The following ITPR3 variants were observed in gnomAD, a reference collection of about 807,000 sequenced individuals.
The protein encoded by ITPR3 is inositol 1,4,5-trisphosphate-gated calcium channel ITPR3.
ITPR3 carries 173 observed loss-of-function variants against 293.2 expected under a neutral mutation model. The ratio of observed to expected loss-of-function variants is 0.59; its 90% CI spans 0.52 to 0.67. The LOEUF is 0.67. ITPR3 is among the 30% of genes least tolerant of loss of function. ITPR3 has a pLI of 0.00. For missense variants in ITPR3, 2,796 were observed against 3,592.1 expected, an observed-to-expected ratio of 0.78 and a Z score of 5.66; for synonymous variants, 1,295 against 1,444.4, an observed-to-expected ratio of 0.90 and a Z score of 2.35.
rs759704419 is a variant in ITPR3 at position 33,684,026 on chromosome 6, A to C, written c.4795A>C (p.Ile1599Leu). The C allele has an allele frequency of 6.2e-7, 1 of 1,605,292 alleles. No individual in the cohort carries two copies. Among genetic ancestry groups the C allele is most frequent in the Non-Finnish European group, 8.5e-7 (1 of 1,176,172 alleles). Residue 1599 changes from isoleucine (I) to leucine (L), a missense_variant, in exon 36 of 58, where the codon ATC becomes CTC. By Grantham distance (5) the Ile-to-Leu change is conservative. Transcript: ENST00000605930. The surrounding 1 kb of genome is among the most constrained non-coding windows in gnomAD (Gnocchi z 4.2). ...KNIIEKLQDI[I>L]TALEERLKPL... ...TCTGCCCTGCCCACCCCAGGACATC[A>C]TCACAGCCCTGGAGGAGCGGCTGAA...
At position 33,658,936 on chromosome 6, in the gene ITPR3, A is replaced by C; in HGVS notation, c.529-85A>C. 6.3e-7 allele frequency: 1 copy of C among 1,599,526 alleles called. No homozygotes were observed. Among genetic ancestry groups the C allele is most frequent in the South Asian group, 1.1e-5 (1 of 90,222 alleles). ...GGGCATGCCCATTTCTTAGAAGGGC[A>C]GACTGAGACCAAAGGGAGGCCTGGA... On this transcript the variant is annotated intron_variant, in intron 5 of 57. Coordinates refer to ENST00000605930, the MANE Select transcript of ITPR3 (RefSeq NM_002224.4). The surrounding 1 kb of genome is among the most constrained non-coding windows in gnomAD (Gnocchi z 6.1).
At position 33,685,683 on chromosome 6, in the gene ITPR3, C is replaced by A; in HGVS notation, c.5523C>A (p.Arg1841=). 1 of 1,599,226 alleles carries A rather than the reference C, an allele frequency of 6.3e-7. No individual in the cohort carries two copies. Among genetic ancestry groups the A allele is most frequent in the Non-Finnish European group, 8.5e-7 (1 of 1,170,872 alleles). Residue 1841 remains arginine, a synonymous_variant, in exon 41 of 58, where the codon CGC becomes CGA. Coordinates refer to ENST00000605930, the MANE Select transcript of ITPR3 (RefSeq NM_002224.4). The stretch of plus-strand genomic sequence containing the variant: ...TCTCGATACCTGGCTCCTCATCCCG[C>A]TACTCGCTGGGCCCCAGCCTGCGCC... ...ASFSIPGSSS[R]YSLGPSLRRG...
rs1274702238 is a variant in ITPR3, at chr6:33,633,883, C to T, written c.90-6601C>T. Reference sequence around the variant, plus strand: ...CGGGGCGGGGCCAGGGAGGCCAGACCTACGCTCTCCGGAGCCGCGCGGACC... The same window carrying T: ...CGGGGCGGGGCCAGGGAGGCCAGACTTACGCTCTCCGGAGCCGCGCGGACC... On this transcript the variant is annotated intron_variant, in intron 1 of 57. Transcript: ENST00000605930. This position sits in a 1 kb window ranked among gnomAD's most constrained non-coding sequence, Gnocchi z 5.2. Among the ~76,000 whole-genome samples, 3 of 150,180 alleles carry T rather than the reference C, an allele frequency of 2.0e-5. No homozygotes were observed. The highest frequency in any genetic ancestry group is 2.0e-4 in the Admixed American group (3 of 15,086).
chr6:33,692,942 C>T lies in ITPR3; in HGVS notation c.7624+49C>T. The T allele has an allele frequency of 6.3e-7, 1 of 1,591,234 alleles. No individual in the cohort carries two copies. Among genetic ancestry groups the T allele is most frequent in the African/African-American group, 1.3e-5 (1 of 74,578 alleles). On this transcript the variant is annotated intron_variant, in intron 55 of 57. Transcript: ENST00000605930. The surrounding 1 kb of genome is among the most constrained non-coding windows in gnomAD (Gnocchi z 4.2). Reference sequence around the variant, plus strand: ...GGAGGCCGCAGCGGGGCTGGAACGTCATCTGATGCCAGTGGCAGTAGCGGT... The same window carrying T: ...GGAGGCCGCAGCGGGGCTGGAACGTTATCTGATGCCAGTGGCAGTAGCGGT...
In ITPR3 at chr6:33,679,990, C is replaced by T; in HGVS notation, c.4081C>T (p.Pro1361Ser). The T allele has an allele frequency of 6.2e-7, 1 of 1,613,920 alleles. No homozygotes were observed. The highest frequency in any genetic ancestry group is 1.1e-5 in the South Asian group (1 of 91,088). The change falls in exon 31 of 58, where the codon CCC (proline) becomes TCC (serine). Residue 1361 changes from proline to serine, a missense_variant. Pro to Ser is a moderately conservative substitution (Grantham distance 74). This residue lies in a region of ITPR3 where 344 missense variants were observed against 460.3 expected (regional missense o/e 0.75). Transcript: ENST00000605930. This position sits in a 1 kb window ranked among gnomAD's most constrained non-coding sequence, Gnocchi z 4.2. ...AARDGVEDHS[P>S]LMYHISLVDL... is the part of the protein sequence containing the mutation. ...CCGCGACGGCGTGGAGGACCACAGCCCCCTCATGTACCACATTTCCCTGGT... is the reference window on the plus strand; with the variant it reads ...CCGCGACGGCGTGGAGGACCACAGCTCCCTCATGTACCACATTTCCCTGGT...
rs1763742296 is a variant in ITPR3, at chr6:33,633,763, G to T, written c.90-6721G>T. Reference sequence around the variant, plus strand: ...GCTTCGCCGCGGGGGCGGGGGCGGGGCCGGGGCCGGGGCCGGACGCCCGGA... The same window carrying T: ...GCTTCGCCGCGGGGGCGGGGGCGGGTCCGGGGCCGGGGCCGGACGCCCGGA... On this transcript the variant is annotated intron_variant, in intron 1 of 57. Coordinates refer to ENST00000605930, the MANE Select transcript of ITPR3 (RefSeq NM_002224.4). This position sits in a 1 kb window ranked among gnomAD's most constrained non-coding sequence, Gnocchi z 5.2. Among the ~76,000 whole-genome samples the T allele has an allele frequency of 6.9e-6, 1 of 144,842 alleles. No homozygotes were observed. Among genetic ancestry groups the T allele is most frequent in the Non-Finnish European group, 1.5e-5 (1 of 65,166 alleles).
At chr6:33,668,205 C>T (rs1030418428) in intron 16 of ITPR3, among the ~76,000 whole-genome samples, 1 of 152,230 alleles carries the variant, frequency 6.6e-6, no homozygotes, top group African/African-American at 2.4e-5. Context: ...GCCCCCAAGA[C>T]CTTCTCCAGT....
chr6:33,659,080 C>G lies in ITPR3; in HGVS notation c.588C>G (p.Ala196=). The G allele has an allele frequency of 6.2e-7, 1 of 1,614,030 alleles. No homozygotes were observed. Among genetic ancestry groups the G allele is most frequent in the South Asian group, 1.1e-5 (1 of 91,084 alleles). The part of the protein sequence containing the change: ...NPVNAGQPLH[A]SNYELSDNAG... ...TCAATGCCGGGCAGCCTCTGCATGC[C>G]AGCAATTACGAGCTCAGCGACAACG... Residue 196 remains alanine, a synonymous_variant, in exon 6 of 58, where the codon GCC becomes GCG. Transcript: ENST00000605930.
intron 57 of ITPR3, 60 bp from the exon 58 acceptor site, chr6:33,695,652 C>G (rs1454768746): frequency 6.5e-7 from 1 of 1,531,784 alleles, no homozygotes; most frequent in African/African-American, 1.4e-5. Context: ...TTCCACAGCA[C>G]CCATGGAGGG....
Position 33,683,119 on chromosome 6 carries a change from C to A in ITPR3, c.4598-88C>A. 1 of 1,019,802 alleles carries A rather than the reference C, an allele frequency of 9.8e-7. No homozygotes were observed. The highest frequency in any genetic ancestry group is 1.4e-6 in the Non-Finnish European group (1 of 721,548). 63.2% of individuals were successfully genotyped at this position (1,019,802 alleles called of 1,614,324 possible). On this transcript the variant is annotated intron_variant, in intron 34 of 57. Transcript: ENST00000605930. The surrounding 1 kb of genome is among the most constrained non-coding windows in gnomAD (Gnocchi z 4.5). ...AGACCCTTGGTCTAGTTCACTCTGT[C>A]TCCTGGTGTGGCAGCCCTGAGCCTG...
chr6:33,626,925 C>A (rs539467986), intron 1 of ITPR3, among the ~76,000 whole-genome samples: 1 of 152,352 alleles, frequency 6.6e-6, no homozygotes, highest in East Asian at 1.9e-4. Flanking sequence ...CCTGCCTCAG[C>A]CTCCCGAGTA....
Position 33,670,037 on chromosome 6 carries a change from C to T in ITPR3, c.2190-288C>T, listed in dbSNP as rs1018347529. ...CCCTCCCTGGCCAAGGCTGGCTCTT[C>T]TCATCTCACTGCCCTCCCCTGTCTC... On this transcript the variant is annotated intron_variant, in intron 18 of 57. Coordinates refer to ENST00000605930, the MANE Select transcript of ITPR3 (RefSeq NM_002224.4). This position sits in a 1 kb window ranked among gnomAD's most constrained non-coding sequence, Gnocchi z 6.7. 6.6e-6 allele frequency among the ~76,000 whole-genome samples: 1 copy of T among 151,936 alleles called. No individual in the cohort carries two copies. Among genetic ancestry groups the T allele is most frequent in the African/African-American group, 2.4e-5 (1 of 41,376 alleles).
In ITPR3 at chr6:33,675,676, C is replaced by T; in HGVS notation, c.3117-15C>T. On this transcript the variant is annotated splice_polypyrimidine_tract_variant and intron_variant, in intron 24 of 57. Coordinates refer to ENST00000605930, the MANE Select transcript of ITPR3 (RefSeq NM_002224.4). This position sits in a 1 kb window ranked among gnomAD's most constrained non-coding sequence, Gnocchi z 5.0. The stretch of plus-strand genomic sequence containing the variant: ...GCCAGTCTCACCCATGCGCCCTGCA[C>T]CCTTGTGCCCGCAGGAAGACAAGCA... 6.3e-7 allele frequency: 1 copy of T among 1,585,872 alleles called. No homozygotes were observed. The highest frequency in any genetic ancestry group is 8.6e-7 in the Non-Finnish European group (1 of 1,164,268).
At position 33,689,336 on chromosome 6, in the gene ITPR3, A is replaced by T. The variant is rs189901337; in HGVS notation, c.6793A>T (p.Ile2265Phe). The change falls in exon 50 of 58, where the codon ATC (isoleucine) becomes TTC (phenylalanine). Residue 2265 changes from isoleucine (I) to phenylalanine (F), a missense_variant. Around this residue, in one of 8 missense-constraint regions of ITPR3, gnomAD observed 568 missense variants for 796.1 expected, o/e 0.71. Coordinates refer to ENST00000605930, the MANE Select transcript of ITPR3 (RefSeq NM_002224.4). ...CAAGCGCTACAGCATCCGCCCCCTC[A>T]TCGTGGCGCTCATCCTGCGCTCCAT... ...FTKRYSIRPL[I>F]VALILRSIYY... 1.2e-6 allele frequency: 2 copies of T among 1,612,680 alleles called. No individual in the cohort carries two copies. The highest frequency in any genetic ancestry group is 2.7e-5 in the African/African-American group (2 of 75,028).
intron 1 of ITPR3, among the ~76,000 whole-genome samples, chr6:33,625,055 A>G (rs927418363): frequency 1.3e-5 from 2 of 152,204 alleles, no homozygotes; most frequent in Non-Finnish European, 2.9e-5. Context: ...AGCAAGGCCA[A>G]TGCCACTGCT....
chr6:33,653,209 A>AT (rs1764232035), intron 2 of ITPR3, among the ~76,000 whole-genome samples: 1 of 151,628 alleles, frequency 6.6e-6, no homozygotes, highest in Non-Finnish European at 1.5e-5. Flanking sequence ...TGCCTGGCTA[A>AT]TTTTTTATTT....
chr6:33,640,665 C>G (rs1763928068), intron 2 of ITPR3, 111 bp downstream of exon 2: 3 of 902,606 alleles, frequency 3.3e-6, no homozygotes, highest in African/African-American at 3.3e-5. Context: ...AGATGTGGCG[C>G]TGCCCTGCAG....
chr6:33,692,968 T>G lies in ITPR3; in HGVS notation c.7624+75T>G. ...ATCTGATGCCAGTGGCAGTAGCGGTTTGGCCCTTCCTGCCCTGGGGAACCC... is the reference window on the plus strand; with the variant it reads ...ATCTGATGCCAGTGGCAGTAGCGGTGTGGCCCTTCCTGCCCTGGGGAACCC... On this transcript the variant is annotated intron_variant, in intron 55 of 57. Coordinates refer to ENST00000605930, the MANE Select transcript of ITPR3 (RefSeq NM_002224.4). The surrounding 1 kb of genome is among the most constrained non-coding windows in gnomAD (Gnocchi z 4.2). 3.4e-5 allele frequency: 51 copies of G among 1,521,948 alleles called. No individual in the cohort carries two copies. Among genetic ancestry groups the G allele is most frequent in the Non-Finnish European group, 4.0e-5 (44 of 1,112,128 alleles). The allele number at this position is 1,521,948 out of a possible 1,614,324, so 94.3% of individuals were successfully genotyped here.
At position 33,690,121 on chromosome 6, in the gene ITPR3, G is replaced by A. The variant is rs1442961690; in HGVS notation, c.6955G>A (p.Glu2319Lys). The A allele has an allele frequency of 1.2e-6, 2 of 1,614,150 alleles. No individual in the cohort carries two copies. Among genetic ancestry groups the A allele is most frequent in the South Asian group, 1.1e-5 (1 of 91,076 alleles). ...RGYKAMVMDM[E>K]FLYHVGYILT... is the part of the protein sequence containing the mutation. ...CTATAAGGCCATGGTCATGGACATGGAATTCCTCTACCACGTGGGCTACAT... is the reference window on the plus strand; with the variant it reads ...CTATAAGGCCATGGTCATGGACATGAAATTCCTCTACCACGTGGGCTACAT... The change falls in exon 51 of 58, where the codon GAA (glutamate) becomes AAA (lysine). Residue 2319 changes from glutamate (E) to lysine (K), a missense_variant. Glu to Lys is a moderately conservative substitution (Grantham distance 56, BLOSUM62 1). This residue lies in a region of ITPR3 where 568 missense variants were observed against 796.1 expected (regional missense o/e 0.71). Transcript: ENST00000605930.
Sources: gnomAD v4.1 joint callset for allele counts (sites outside exome capture counted in the v4.1 genomes callset) on GRCh38, gnomAD v4.1.1 for gene constraint, gnomAD v4.1.1 regional missense constraint, Gnocchi (gnomAD v3.1) non-coding constraint, MANE v1.5 for transcripts, NCBI Gene and HGNC (gene_info 2026-07-23, HGNC 2026-07-21) for gene names.